Variants in ST18 observed in about 807,000 individuals in gnomAD.
ST18 encodes suppression of tumorigenicity 18 protein.
In ST18, 50 loss-of-function variants were observed where a neutral mutation model predicts 110.0. The observed-to-expected ratio is 0.45, with a 90% CI of 0.36 to 0.58. The LOEUF is 0.58. ST18 is among the 20% of genes least tolerant of loss of function. The probability of loss-of-function intolerance (pLI) is 0.00; values close to 1 mark genes in which losing one functional copy is unlikely to be tolerated. For missense variants in ST18, 1,306 were observed against 1,280.1 expected, an observed-to-expected ratio of 1.02 and a Z score of -0.31; for synonymous variants, 461 against 452.4, an observed-to-expected ratio of 1.02 and a Z score of -0.24.
intron 2 of ST18, among the ~76,000 whole-genome samples, chr8:52,324,064 C>T (rs1264311944): frequency 3.3e-5 from 5 of 152,132 alleles, no homozygotes; most frequent in African/African-American, 4.8e-5. Context: ...TTGGCTATGG[C>T]GAGAGAATGT....
chr8:52,208,365 T>A (rs1025891261), intron 8 of ST18, among the ~76,000 whole-genome samples: 2 of 152,196 alleles, frequency 1.3e-5, no homozygotes, highest in Non-Finnish European at 2.9e-5. Context: ...ACAGTTGTGC[T>A]GGATCACAAC....
intron 2 of ST18, among the ~76,000 whole-genome samples, chr8:52,363,673 C>A (rs1451729884): frequency 6.6e-6 from 1 of 152,042 alleles, no homozygotes; most frequent in Non-Finnish European, 1.5e-5. Flanking sequence ...AGATAAGGAG[C>A]CCAACTAAGG....
At chr8:52,371,453 C>A (rs1830241399) in intron 2 of ST18, among the ~76,000 whole-genome samples, 1 of 152,072 alleles carries the variant, frequency 6.6e-6, no homozygotes, top group Non-Finnish European at 1.5e-5. Context: ...ATGATGCTCT[C>A]AAAACTGTGT....
intron 23 of ST18, among the ~76,000 whole-genome samples, chr8:52,125,486 G>A (rs1023065011): frequency 2.0e-5 from 3 of 152,046 alleles, no homozygotes; most frequent in East Asian, 1.9e-4. Flanking sequence ...TATCTTTGTT[G>A]TTGTTGTTTT....
chr8:52,188,303 G>C (rs531844408), intron 8 of ST18, among the ~76,000 whole-genome samples: 1 of 152,178 alleles, frequency 6.6e-6, no homozygotes, highest in Non-Finnish European at 1.5e-5. Context: ...TAAGAAGACT[G>C]AATTTTAGTA....
intron 2 of ST18, among the ~76,000 whole-genome samples, chr8:52,261,897 T>C (rs1040532348): frequency 5.9e-5 from 9 of 152,252 alleles, no homozygotes; most frequent in Admixed American, 5.9e-4. Flanking sequence ...ATCCCCATCC[T>C]GATGGCTTTC....
Position 52,133,229 on chromosome 8 carries a change from T to C in ST18, c.2363+10A>G. On this transcript the variant is annotated intron_variant, in intron 20 of 25. Transcript: ENST00000689386. ...TCATTTCCACATCTCAGAAATAAGA[T>C]CAATCCTACCTTCTGTGGGAAGCAT... is the stretch of plus-strand genomic sequence containing the variant. 1 of 1,614,180 alleles carries C rather than the reference T, an allele frequency of 6.2e-7. No individual in the cohort carries two copies. The highest frequency in any genetic ancestry group is 8.5e-7 in the Non-Finnish European group (1 of 1,180,044).
chr8:52,406,144 C>T (rs1844406880), intron 2 of ST18: 1 of 152,238 alleles, frequency 6.6e-6, no homozygotes, highest in African/African-American at 2.4e-5. Context: ...TCTAACTGCA[C>T]TGTCTGCCTA....
chr8:52,228,684 T>C (rs1354674176), intron 3 of ST18, among the ~76,000 whole-genome samples: 1 of 152,110 alleles, frequency 6.6e-6, no homozygotes, highest in Non-Finnish European at 1.5e-5. Context: ...TGGGGAAGTA[T>C]TATTGATGTT....
In ST18 at chr8:52,193,611, G is replaced by A. The variant is rs115999209; in HGVS notation, c.87-13299C>T. 9.1e-3 allele frequency among the ~76,000 whole-genome samples: 1,369 copies of A among 150,094 alleles called. 20 individuals are homozygous for A. The highest frequency in any genetic ancestry group is 0.033 in the African/African-American group (1,310 of 39,858). On this transcript the variant is annotated intron_variant, in intron 8 of 25. Coordinates refer to ENST00000689386, the MANE Select transcript of ST18 (RefSeq NM_001352837.2). ...GGCTGTGCTGCGTGATACACAATCT[G>A]TACATGGCTAACTGGACTGTATTTT...
At chr8:52,362,087 A>G (rs1050906721) in intron 2 of ST18, among the ~76,000 whole-genome samples, 5 of 152,204 alleles carry the variant, frequency 3.3e-5, no homozygotes, top group Admixed American at 6.5e-5. Context: ...TTATAAAATC[A>G]GCTTTCGTTT....
At chr8:52,347,540 G>C (rs1443702242) in intron 2 of ST18, among the ~76,000 whole-genome samples, 1 of 152,050 alleles carries the variant, frequency 6.6e-6, no homozygotes, top group African/African-American at 2.4e-5. Context: ...AGAGAGAGGA[G>C]AGAGGGATAG....
At chr8:52,253,977 T>C (rs376394702) in intron 2 of ST18, among the ~76,000 whole-genome samples, 1 of 33,118 alleles carries the variant, frequency 3.0e-5, no homozygotes, top group Non-Finnish European at 7.3e-5. Flanking sequence ...GTGTGAGAGA[T>C]TGAGAGAGAG....
At chr8:52,204,815 G>A (rs1354189930) in intron 8 of ST18, among the ~76,000 whole-genome samples, 1 of 152,150 alleles carries the variant, frequency 6.6e-6, no homozygotes, top group African/African-American at 2.4e-5. Context: ...CTGATTTTTA[G>A]AGATGTTAGT....
intron 2 of ST18, among the ~76,000 whole-genome samples, chr8:52,288,583 C>G (rs1039814209): frequency 6.6e-6 from 1 of 151,278 alleles, no homozygotes; most frequent in East Asian, 1.9e-4. Flanking sequence ...ACCTATAATC[C>G]CAGCTACTTG....
chr8:52,276,141 A>ACC, intron 2 of ST18, among the ~76,000 whole-genome samples: 1 of 60,204 alleles, frequency 1.7e-5, no homozygotes, highest in Non-Finnish European at 3.8e-5. Flanking sequence ...CACACACACC[A>ACC]CATGCACACC....
intron 2 of ST18, among the ~76,000 whole-genome samples, chr8:52,270,231 T>A (rs1490804933): frequency 6.6e-6 from 1 of 152,234 alleles, no homozygotes; most frequent in Non-Finnish European, 1.5e-5. Flanking sequence ...CCTCATAGCA[T>A]AAGAGTTAAA....
At chr8:52,333,504 G>C (rs1456561035) in intron 2 of ST18, among the ~76,000 whole-genome samples, 1 of 152,108 alleles carries the variant, frequency 6.6e-6, no homozygotes, top group Non-Finnish European at 1.5e-5. Flanking sequence ...TTGTGAAGAA[G>C]AAGAAAGAAC....
intron 16 of ST18, among the ~76,000 whole-genome samples, chr8:52,147,183 G>T (rs934214771): frequency 2.0e-5 from 3 of 152,146 alleles, no homozygotes; most frequent in African/African-American, 7.2e-5. Flanking sequence ...ATCCCATCTT[G>T]TGTGTGTGAA....
Sources: allele counts gnomAD v4.1 joint callset (sites outside exome capture counted in the v4.1 genomes callset), GRCh38; gene constraint gnomAD v4.1.1; transcripts MANE v1.5; gene names NCBI Gene and HGNC (gene_info 2026-07-23, HGNC 2026-07-21).